The following FGF13 variants were observed in gnomAD, a reference collection of about 807,000 sequenced individuals.
FGF13 encodes fibroblast growth factor 13.
In FGF13, 2 loss-of-function variants were observed where a neutral mutation model predicts 19.5. The ratio of observed to expected loss-of-function variants is 0.10; its 90% CI spans 0.04 to 0.32. FGF13 has a LOEUF of 0.32. Among genes scored for constraint, FGF13 ranks in the 10% least tolerant of loss-of-function variants. The probability of loss-of-function intolerance (pLI) is 1.00; values close to 1 mark genes in which losing one functional copy is unlikely to be tolerated. For synonymous variants in FGF13, 72 were observed against 76.9 expected (o/e 0.94, Z 0.33); for missense variants, 113 against 192.7 (o/e 0.59, Z 2.45).
chrX:139,156,582 G>A (rs781577624), intron 1 of FGF13, among the ~76,000 whole-genome samples: 2 of 112,465 alleles, frequency 1.8e-5, no homozygotes, highest in African/African-American at 3.2e-5. Context: ...GTTAGAAACC[G>A]AGGCGCTCAA....
At chrX:138,848,789 T>G (rs924095926) in intron 3 of FGF13, among the ~76,000 whole-genome samples, 1 of 111,908 alleles carries the variant, frequency 8.9e-6, no homozygotes, top group African/African-American at 3.2e-5. Context: ...TGAGAATCAC[T>G]AATCTAAAGC....
intron 3 of FGF13, among the ~76,000 whole-genome samples, chrX:138,675,145 G>A (rs999546109): frequency 1.8e-5 from 2 of 111,639 alleles, no homozygotes; most frequent in African/African-American, 3.3e-5. Flanking sequence ...ATCAGTTTAC[G>A]TTTCTATCAG....
At chrX:139,092,144 C>T (rs1410318948) in intron 1 of FGF13, among the ~76,000 whole-genome samples, 2 of 111,640 alleles carry the variant, frequency 1.8e-5, no homozygotes, top group Non-Finnish European at 3.8e-5. Flanking sequence ...CTGCCAGCTA[C>T]ACTTTTGCTT....
chrX:139,099,803 T>C (rs1603200106), intron 1 of FGF13, among the ~76,000 whole-genome samples: 1 of 111,299 alleles, frequency 9.0e-6, no homozygotes, highest in East Asian at 2.8e-4. Context: ...TTTTTTTAAT[T>C]ACTGTTAGAA....
chrX:139,058,700 T>C (rs926770826), intron 1 of FGF13, among the ~76,000 whole-genome samples: 2 of 111,786 alleles, frequency 1.8e-5, no homozygotes, highest in Non-Finnish European at 3.8e-5. Flanking sequence ...AACTGTTTAT[T>C]AGCACAAAGT....
intron 1 of FGF13, among the ~76,000 whole-genome samples, chrX:139,100,781 G>C (rs1054926300): frequency 1.8e-5 from 2 of 111,177 alleles, no homozygotes; most frequent in Non-Finnish European, 3.8e-5. Flanking sequence ...CCAGGGCCTC[G>C]GTTCACGGAT....
At chrX:138,783,968 T>C (rs2090670855) in intron 3 of FGF13, among the ~76,000 whole-genome samples, 3 of 102,209 alleles carry the variant, frequency 2.9e-5, no homozygotes, top group Non-Finnish European at 6.0e-5. Context: ...ATATACACCA[T>C]GGAATACTAT....
At chrX:139,032,265 G>A in intron 1 of FGF13, among the ~76,000 whole-genome samples, 1 of 111,813 alleles carries the variant, frequency 8.9e-6, no homozygotes, top group East Asian at 2.8e-4. Context: ...TTCTTTGGTG[G>A]AAGTGATGAT....
chrX:139,124,237 C>T (rs975289745), intron 1 of FGF13, among the ~76,000 whole-genome samples: 2 of 112,672 alleles, frequency 1.8e-5, no homozygotes, highest in African/African-American at 3.2e-5. Flanking sequence ...CAGTGACAGA[C>T]GTCATGTGTT....
Position 139,125,594 on chromosome X carries a change from T to C in FGF13, c.-113+77822A>G, listed in dbSNP as rs771103912. Among the ~76,000 whole-genome samples the C allele has an allele frequency of 2.7e-5, 3 of 111,610 alleles. No homozygotes were observed. In the South Asian group the frequency reaches 1.1e-3, roughly 42 times the overall value. On this transcript the variant is annotated intron_variant, in intron 1 of 2. Coordinates refer to the FGF13 transcript ENST00000421460. ...AAATGGAAATATCAAAAGAATCTGA[T>C]ACCAGTTATATTAAAAAGAGTTATT...
At chrX:138,730,197 AG>A (rs1013901749) in intron 1 of FGF13, among the ~76,000 whole-genome samples, 26 of 110,573 alleles carry the variant, frequency 2.4e-4, no homozygotes, top group Non-Finnish European at 1.3e-4. Context: ...GGGGTGGAGG[AG>A]GGGGGAAGGG....
chrX:138,914,760 G>A (rs952605777), intron 1 of FGF13, among the ~76,000 whole-genome samples: 11 of 108,873 alleles, frequency 1.0e-4, no homozygotes, highest in African/African-American at 3.7e-4. Flanking sequence ...AGAATTCCTT[G>A]CAGAGAAAAG....
chrX:138,891,135 C>CA (rs1160366582), intron 1 of FGF13, among the ~76,000 whole-genome samples: 3 of 111,364 alleles, frequency 2.7e-5, no homozygotes, highest in African/African-American at 6.5e-5. Flanking sequence ...ACTAAAAATA[C>CA]AAAAAAATTT....
intron 3 of FGF13, among the ~76,000 whole-genome samples, chrX:138,787,579 A>G (rs1031702675): frequency 9.0e-6 from 1 of 111,680 alleles, no homozygotes; most frequent in Non-Finnish European, 1.9e-5. Context: ...TCCCAGATAC[A>G]TGTACAGAAT....
At chrX:139,196,549 T>C (rs1249827327) in intron 1 of FGF13, among the ~76,000 whole-genome samples, 10 of 112,282 alleles carry the variant, frequency 8.9e-5, no homozygotes, top group Admixed American at 6.6e-4. Context: ...GTATTTAGTA[T>C]AGGCACACTC....
intron 3 of FGF13, among the ~76,000 whole-genome samples, chrX:138,664,977 G>T (rs2089526208): frequency 1.8e-5 from 2 of 111,120 alleles, no homozygotes; most frequent in South Asian, 7.6e-4. Flanking sequence ...TCAAGGGTAT[G>T]CTCGGTCCAA....
At chrX:138,745,000 T>G (rs1001777684) in intron 3 of FGF13, among the ~76,000 whole-genome samples, 8 of 111,952 alleles carry the variant, frequency 7.1e-5, no homozygotes, top group South Asian at 3.7e-4. Context: ...TACTACTATA[T>G]CTACGTGTTA....
chrX:139,065,489 AAAAAAAG>A (rs1463428947), intron 1 of FGF13, among the ~76,000 whole-genome samples: 25 of 92,660 alleles, frequency 2.7e-4, no homozygotes, highest in Non-Finnish European at 4.3e-4. Context: ...AGCAAAAAAA[AAAAAAAG>A]AAAAAGAAAA....
intron 1 of FGF13, among the ~76,000 whole-genome samples, chrX:138,726,001 T>G (rs2090182828): frequency 9.0e-6 from 1 of 111,128 alleles, no homozygotes; most frequent in Non-Finnish European, 1.9e-5. Flanking sequence ...ATCCTGGGGT[T>G]TGAGTATCAG....
Sources: allele counts gnomAD v4.1 joint callset (sites outside exome capture counted in the v4.1 genomes callset), GRCh38; gene constraint gnomAD v4.1.1; transcripts MANE v1.5; gene names NCBI Gene and HGNC (gene_info 2026-07-23, HGNC 2026-07-21).